The following FARSB variants were observed in gnomAD, a reference collection of about 807,000 sequenced individuals.
FARSB encodes the protein phenylalanyl-tRNA synthetase subunit beta.
FARSB carries 40 observed loss-of-function variants against 69.6 expected under a neutral mutation model. The ratio of observed to expected loss-of-function variants is 0.57; its 90% CI spans 0.45 to 0.75. The LOEUF (loss-of-function observed/expected upper bound fraction) is 0.75. Among genes scored for constraint, FARSB ranks in the 30% least tolerant of loss-of-function variants. The pLI is 0.00. For missense variants in FARSB, 632 were observed against 722.9 expected, an observed-to-expected ratio of 0.87 and a Z score of 1.44; for synonymous variants, 235 against 247.2, an observed-to-expected ratio of 0.95 and a Z score of 0.46.
chr2:222,624,654 A>C, intron 11 of FARSB, 60 bp downstream of exon 11: 1 of 1,211,556 alleles, frequency 8.3e-7, no homozygotes, highest in East Asian at 2.3e-5. Flanking sequence ...AGGATCGCAA[A>C]AAAAAAATTA....
At chr2:222,593,486 A>G (rs1407712543) in intron 16 of FARSB, among the ~76,000 whole-genome samples, 1 of 152,238 alleles carries the variant, frequency 6.6e-6, no homozygotes, top group Non-Finnish European at 1.5e-5. Flanking sequence ...TGATCTTTAG[A>G]GCTTTTGTGT....
At chr2:222,605,279 C>T (rs1690676097) in intron 15 of FARSB, among the ~76,000 whole-genome samples, 1 of 151,826 alleles carries the variant, frequency 6.6e-6, no homozygotes, top group African/African-American at 2.4e-5. Flanking sequence ...ATACTACTGA[C>T]TTGCTTCTGG....
intron 1 of FARSB, among the ~76,000 whole-genome samples, chr2:222,651,724 A>G (rs1186867285): frequency 6.6e-6 from 1 of 152,226 alleles, no homozygotes; most frequent in African/African-American, 2.4e-5. Flanking sequence ...AGACCTTCCA[A>G]GTTTTTAGAA....
chr2:222,595,893 G>C (rs1297495872), intron 16 of FARSB, among the ~76,000 whole-genome samples: 1 of 151,112 alleles, frequency 6.6e-6, no homozygotes, highest in Non-Finnish European at 1.5e-5. Context: ...AAAAAATGAA[G>C]GGGAAGAAGC....
At chr2:222,589,718 CT>C (rs1436760935) in intron 16 of FARSB, among the ~76,000 whole-genome samples, 1 of 152,192 alleles carries the variant, frequency 6.6e-6, no homozygotes, top group African/African-American at 2.4e-5. Flanking sequence ...TCAACATGTA[CT>C]TCTCAAAAGA....
At chr2:222,646,719 C>T (rs1365756651) in intron 2 of FARSB, among the ~76,000 whole-genome samples, 1 of 152,166 alleles carries the variant, frequency 6.6e-6, no homozygotes, top group Non-Finnish European at 1.5e-5. Context: ...TGTAATTGCC[C>T]AAAAACAGTC....
intron 1 of FARSB, 130 bp from the exon 2 acceptor site, chr2:222,648,925 T>A: frequency 1.4e-6 from 1 of 720,804 alleles, no homozygotes; most frequent in South Asian, 1.5e-5. Flanking sequence ...GCATCACATA[T>A]TATCATTTAA....
intron 1 of FARSB, among the ~76,000 whole-genome samples, chr2:222,650,234 T>C (rs1470111832): frequency 6.6e-6 from 1 of 152,186 alleles, no homozygotes; most frequent in Non-Finnish European, 1.5e-5. Flanking sequence ...TCAGAAGATA[T>C]GATGGAACAA....
chr2:222,624,324 C>G lies in FARSB; in HGVS notation c.1118G>C (p.Gly373Ala), dbSNP rs560541569. 8.0e-5 allele frequency: 129 copies of G among 1,612,920 alleles called. No individual in the cohort carries two copies. Among genetic ancestry groups the G allele is most frequent in the Non-Finnish European group, 1.1e-4 (128 of 1,179,376 alleles). The change falls in exon 12 of 17, where the codon GGA becomes GCA. Residue 373 changes from glycine to alanine, a missense_variant. Physicochemically the swap from Gly to Ala is moderately conservative, Grantham distance 60. Transcript: ENST00000281828. ...GAGAGTCATCTGAATGTTGTTATAT[C>G]CATAAGCAATAGCTGCATCTTCTAC... ...DIVEDAAIAY[G>A]YNNIQMTLPK...
chr2:222,575,949 C>T (rs912399685), intron 16 of FARSB, among the ~76,000 whole-genome samples: 4 of 151,452 alleles, frequency 2.6e-5, no homozygotes, highest in Non-Finnish European at 5.9e-5. Context: ...CATTGCTAAA[C>T]ACTTTTCACA....
At chr2:222,626,969 G>C (rs1465174582) in intron 10 of FARSB, among the ~76,000 whole-genome samples, 1 of 152,190 alleles carries the variant, frequency 6.6e-6, no homozygotes, top group Non-Finnish European at 1.5e-5. Flanking sequence ...CCAGGAGGCA[G>C]AGCTTGCAGT....
chr2:222,626,110 A>T (rs879869833), intron 10 of FARSB, among the ~76,000 whole-genome samples: 4 of 151,878 alleles, frequency 2.6e-5, no homozygotes, highest in Admixed American at 2.0e-4. Flanking sequence ...TTGGCTGGGC[A>T]TGGTGGCACA....
chr2:222,603,383 C>T (rs547952545), intron 15 of FARSB, among the ~76,000 whole-genome samples: 19 of 152,000 alleles, frequency 1.3e-4, no homozygotes, highest in Non-Finnish European at 2.5e-4. Context: ...TTTTAAGACA[C>T]TGTACTCTAA....
At chr2:222,579,616 T>G (rs1689920133) in intron 16 of FARSB, among the ~76,000 whole-genome samples, 1 of 152,190 alleles carries the variant, frequency 6.6e-6, no homozygotes, top group Non-Finnish European at 1.5e-5. Flanking sequence ...AGAAACTCCT[T>G]CTGAATTTAA....
Position 222,614,692 on chromosome 2 carries a change from A to T in FARSB, c.1345-764T>A, listed in dbSNP as rs193131105. On this transcript the variant is annotated intron_variant, in intron 14 of 16. Coordinates refer to ENST00000281828, the MANE Select transcript of FARSB (RefSeq NM_005687.5). Reference sequence around the variant, plus strand: ...AAACACCACCTCCACAGATTTAAAAATTAGCTAGGTATGGATACATGCCTT... The same window carrying T: ...AAACACCACCTCCACAGATTTAAAATTTAGCTAGGTATGGATACATGCCTT... Among the ~76,000 whole-genome samples the T allele has an allele frequency of 3.1e-3, 466 of 152,280 alleles. 1 individual carries two copies. The highest frequency in any genetic ancestry group is 5.6e-3 in the Non-Finnish European group (378 of 68,006).
intron 10 of FARSB, among the ~76,000 whole-genome samples, chr2:222,627,977 T>C (rs1428413594): frequency 2.0e-5 from 3 of 152,232 alleles, no homozygotes; most frequent in Non-Finnish European, 4.4e-5. Flanking sequence ...GTCATCTTTA[T>C]GTCAAGTCCC....
At chr2:222,595,781 TG>T (rs1227588815) in intron 16 of FARSB, among the ~76,000 whole-genome samples, 1 of 152,138 alleles carries the variant, frequency 6.6e-6, no homozygotes, top group African/African-American at 2.4e-5. Flanking sequence ...ACCACATAAC[TG>T]TTCCAAATAC....
rs571585008 is a variant in FARSB at position 222,590,380 on chromosome 2, G to A, written c.1618+9548C>T. The stretch of plus-strand genomic sequence containing the variant: ...GGGCCTGTCATGGGGTGGGGGAAGG[G>A]GGAGGGAAAGCATTAGGAGAAATAA... On this transcript the variant is annotated intron_variant, in intron 16 of 16. Coordinates refer to ENST00000281828, the MANE Select transcript of FARSB (RefSeq NM_005687.5). Among the ~76,000 whole-genome samples, 20 of 152,196 alleles carry A rather than the reference G, an allele frequency of 1.3e-4. No homozygotes were observed. The East Asian group carries it at 3.7e-3, about 28-fold the overall frequency.
At chr2:222,649,234 T>TAAAAAA (rs71961708) in intron 1 of FARSB, among the ~76,000 whole-genome samples, 5 of 88,298 alleles carry the variant, frequency 5.7e-5, no homozygotes, top group East Asian at 3.9e-4. Context: ...CTCAAAAAAT[T>TAAAAAA]AAAAAAAAAA....
Sources: allele counts gnomAD v4.1 joint callset (sites outside exome capture counted in the v4.1 genomes callset), GRCh38; gene constraint gnomAD v4.1.1; transcripts MANE v1.5; gene names NCBI Gene and HGNC (gene_info 2026-07-23, HGNC 2026-07-21).